SEMA5A: variants seen among roughly 807,000 people sequenced by gnomAD.
SEMA5A encodes the protein semaphorin-5A.
A neutral mutation model predicts 135.5 loss-of-function variants in SEMA5A; 55 were observed. The ratio of observed to expected loss-of-function variants is 0.41; its 90% confidence interval spans 0.33 to 0.51. The LOEUF (loss-of-function observed/expected upper bound fraction) is 0.51. Ranked by LOEUF, SEMA5A falls within the 20% of genes least tolerant of loss-of-function variation. The pLI, the probability that SEMA5A is intolerant of heterozygous loss-of-function variation, is 0.37. For synonymous variants in SEMA5A, 580 were observed against 546.5 expected, an observed-to-expected ratio of 1.06 and a Z score of -0.85; for missense variants, 1,290 against 1,419.9, an observed-to-expected ratio of 0.91 and a Z score of 1.47.
Position 9,198,957 on chromosome 5 carries a change from T to G in SEMA5A, c.933-1654A>C, listed in dbSNP as rs113888447. On this transcript the variant is annotated intron_variant, in intron 9 of 22. Transcript: ENST00000382496. ...AGCACTTGATACAGATCATCTAATT[T>G]CTCACTGAGAACCTACAGATCCTGA... Among the ~76,000 whole-genome samples the G allele has an allele frequency of 1.2e-4, 19 of 152,168 alleles. 1 individual carries two copies. The highest frequency in any genetic ancestry group is 4.1e-4 in the African/African-American group (17 of 41,500).
chr5:9,161,773 G>A (rs1400232098), intron 11 of SEMA5A, among the ~76,000 whole-genome samples: 3 of 152,180 alleles, frequency 2.0e-5, no homozygotes, highest in Non-Finnish European at 2.9e-5. Context: ...TTCACATATT[G>A]AACCTTGCCC....
intron 4 of SEMA5A, among the ~76,000 whole-genome samples, chr5:9,334,094 G>A (rs924902229): frequency 2.0e-5 from 3 of 151,882 alleles, no homozygotes; most frequent in South Asian, 2.1e-4. Flanking sequence ...GCAGCCTAAC[G>A]AACTTCCTTT....
intron 3 of SEMA5A, among the ~76,000 whole-genome samples, chr5:9,353,160 AGGAG>A (rs776332344): frequency 1.1e-3 from 42 of 37,886 alleles, no homozygotes; most frequent in African/African-American, 4.1e-3. Context: ...AGGAAAGGAA[AGGAG>A]GGAAAGGAAG....
chr5:9,114,836 A>C (rs920081380), intron 15 of SEMA5A, among the ~76,000 whole-genome samples: 4 of 152,234 alleles, frequency 2.6e-5, no homozygotes, highest in Non-Finnish European at 5.9e-5. Flanking sequence ...ACTGTTAGGG[A>C]AGGTTGGAAT....
Position 9,044,381 on chromosome 5 carries a change from C to A in SEMA5A, c.3097G>T (p.Ala1033Ser). 6.2e-7 allele frequency: 1 copy of A among 1,612,886 alleles called. No individual in the cohort carries two copies. ...TATTAAAATTCACTTACCTTGATGG[C>A]CTCCACCGAGTCGTACTTGTCCAGT... ...NKLDKYDSVEAIKAFNKNNLI... is the reference protein window; with the variant it reads ...NKLDKYDSVESIKAFNKNNLI... Residue 1033 changes from alanine to serine, a missense_variant, in exon 22 of 23, where the codon GCC becomes TCC. Coordinates refer to ENST00000382496, the MANE Select transcript of SEMA5A (RefSeq NM_003966.3).
intron 1 of SEMA5A, among the ~76,000 whole-genome samples, chr5:9,493,297 C>G (rs921484607): frequency 2.9e-5 from 4 of 138,812 alleles, no homozygotes; most frequent in African/African-American, 7.8e-5. Context: ...ATCTATCTAT[C>G]TATATATATA....
At chr5:9,295,037 C>T (rs992900569) in intron 5 of SEMA5A, among the ~76,000 whole-genome samples, 1 of 152,152 alleles carries the variant, frequency 6.6e-6, no homozygotes, top group Non-Finnish European at 1.5e-5. Context: ...ACCCACTCTC[C>T]CTGCTACTCT....
intron 1 of SEMA5A, among the ~76,000 whole-genome samples, chr5:9,526,893 G>A (rs999432422): frequency 1.6e-4 from 25 of 152,268 alleles, no homozygotes; most frequent in Admixed American, 5.2e-4. Context: ...AAAAGATGCT[G>A]GAGTTTTTAA....
chr5:9,054,381 G>A, intron 18 of SEMA5A, 124 bp from the exon 19 acceptor site: 1 of 1,269,772 alleles, frequency 7.9e-7, no homozygotes, highest in Non-Finnish European at 1.1e-6. Context: ...CTGCACTCCA[G>A]AAAGGCTTCA....
At chr5:9,178,620 C>T (rs886985630) in intron 11 of SEMA5A, among the ~76,000 whole-genome samples, 6 of 152,186 alleles carry the variant, frequency 3.9e-5, no homozygotes, top group South Asian at 2.1e-4. Context: ...TGAGCCACCG[C>T]GCCCAGCCAG....
chr5:9,321,704 C>T (rs577997647), intron 4 of SEMA5A, among the ~76,000 whole-genome samples: 18 of 152,298 alleles, frequency 1.2e-4, no homozygotes, highest in African/African-American at 3.8e-4. Context: ...GGAATCCAGT[C>T]ACCCTACTCC....
chr5:9,388,906 A>AAAAG (rs1019136606), intron 2 of SEMA5A, among the ~76,000 whole-genome samples: 1 of 151,976 alleles, frequency 6.6e-6, no homozygotes, highest in African/African-American at 2.4e-5. Context: ...CTCAAAAAAA[A>AAAAG]AAAGAAAGAA....
chr5:9,329,780 C>CG (rs1753037981), intron 4 of SEMA5A, among the ~76,000 whole-genome samples: 5 of 152,182 alleles, frequency 3.3e-5, no homozygotes, highest in African/African-American at 1.2e-4. Context: ...ATCCCCAGAG[C>CG]ATTGGCTCCA....
At chr5:9,374,622 CGT>C (rs3086524) in intron 3 of SEMA5A, among the ~76,000 whole-genome samples, 46,536 of 146,750 alleles carry the variant, frequency 0.32, 7,086 homozygotes, top group African/African-American at 0.35. Flanking sequence ...CACAAGACAT[CGT>C]GTGTGTGTGT....
At chr5:9,401,133 A>C (rs924676893) in intron 2 of SEMA5A, among the ~76,000 whole-genome samples, 7 of 152,112 alleles carry the variant, frequency 4.6e-5, no homozygotes, top group African/African-American at 1.7e-4. Flanking sequence ...TGTTCAAGCA[A>C]TTAAGGCAAA....
intron 2 of SEMA5A, among the ~76,000 whole-genome samples, chr5:9,435,413 T>C (rs1056319302): frequency 2.0e-5 from 3 of 152,176 alleles, no homozygotes; most frequent in African/African-American, 7.2e-5. Flanking sequence ...AAAGCTGTAA[T>C]TTAGGTGGGA....
chr5:9,114,934 G>A (rs1326706971), intron 15 of SEMA5A, among the ~76,000 whole-genome samples: 1 of 152,190 alleles, frequency 6.6e-6, no homozygotes, highest in African/African-American at 2.4e-5. Flanking sequence ...GTTACACAAA[G>A]AGTCCTTTCT....
Position 9,226,626 on chromosome 5 carries a change from T to C in SEMA5A, c.432+243A>G, listed in dbSNP as rs549265662. 2.6e-5 allele frequency among the ~76,000 whole-genome samples: 4 copies of C among 152,336 alleles called. No homozygotes were observed. The East Asian group carries it at 7.7e-4, about 29-fold the overall frequency. On this transcript the variant is annotated intron_variant, in intron 7 of 22. Coordinates refer to ENST00000382496, the MANE Select transcript of SEMA5A (RefSeq NM_003966.3). ...TGGTGGAAAAAAATGCTGGTTGGAA[T>C]AGTTTAGAAACATATTTAAGTTTAA...
At chr5:9,404,047 G>A (rs184148584) in intron 2 of SEMA5A, among the ~76,000 whole-genome samples, 21 of 152,196 alleles carry the variant, frequency 1.4e-4, no homozygotes, top group African/African-American at 3.1e-4. Flanking sequence ...CAATTCTCCC[G>A]CCTCAGTCTC....
Sources: gnomAD v4.1 joint callset for allele counts (sites outside exome capture counted in the v4.1 genomes callset) on GRCh38, gnomAD v4.1.1 for gene constraint, MANE v1.5 for transcripts, NCBI Gene and HGNC (gene_info 2026-07-23, HGNC 2026-07-21) for gene names.